SERPINA11: variants seen among roughly 807,000 people sequenced by gnomAD.
SERPINA11 encodes serpin family A member 11.
A neutral mutation model predicts 29.4 loss-of-function variants in SERPINA11; 28 were observed. The ratio of observed to expected loss-of-function variants is 0.95; its 90% CI spans 0.70 to 1.30. The LOEUF (loss-of-function observed/expected upper bound fraction) is 1.30. Ranked by LOEUF, SERPINA11 falls within the 50% of genes most tolerant of loss-of-function variation. The pLI is 0.00. For synonymous variants in SERPINA11, 253 were observed against 206.6 expected, an observed-to-expected ratio of 1.22 and a Z score of -1.92; for missense variants, 530 against 507.3, an observed-to-expected ratio of 1.04 and a Z score of -0.43.
chr14:94,448,041 T>G (rs1445282433), intron 2 of SERPINA11, 91 bp downstream of exon 2: 11 of 1,232,478 alleles, frequency 8.9e-6, no homozygotes, highest in Non-Finnish European at 1.3e-5. Context: ...TTTCCCCAAG[T>G]GGTTAGCAAA....
chr14:94,445,756 G>A (rs74325191), intron 3 of SERPINA11, among the ~76,000 whole-genome samples: 1 of 151,478 alleles, frequency 6.6e-6, no homozygotes, highest in Admixed American at 6.6e-5. Context: ...TTTTCATTTT[G>A]CATAGAGGCA....
chr14:94,448,750 G>T lies in SERPINA11; in HGVS notation c.25C>A (p.Leu9Met). 2 of 1,513,126 alleles carry T rather than the reference G, an allele frequency of 1.3e-6. No homozygotes were observed. Among genetic ancestry groups the T allele is most frequent in the Non-Finnish European group, 1.8e-6 (2 of 1,132,062 alleles). 93.7% of individuals were successfully genotyped at this position (1,513,126 alleles called of 1,614,324 possible). The change falls in exon 2 of 5, where the codon CTG becomes ATG. Residue 9 changes from leucine (L) to methionine (M), a missense_variant. Coordinates refer to ENST00000334708, the MANE Select transcript of SERPINA11 (RefSeq NM_001080451.2). ...ACAGAGGCCAGGATCCCTGTTCCCA[G>T]TAGCCAAAGCCAAGCTGGACCCATT... MGPAWLWL[L>M]GTGILASVHC...
At chr14:94,448,808 T>C in intron 1 of SERPINA11, 31 bp from the exon 2 acceptor site, 1 of 1,496,360 alleles carries the variant, frequency 6.7e-7, no homozygotes, top group East Asian at 2.3e-5. Flanking sequence ...ATGTCACTTT[T>C]CTCCATAAAT....
At chr14:94,452,411 G>A (rs776188013) in intron 1 of SERPINA11, among the ~76,000 whole-genome samples, 12 of 151,934 alleles carry the variant, frequency 7.9e-5, no homozygotes, top group Non-Finnish European at 1.2e-4. Flanking sequence ...ATTGTGCTTT[G>A]GGTTGTATTG....
rs143044592 is a variant in SERPINA11, at chr14:94,446,344, A to G, written c.904T>C (p.Leu302=). ...TGTGACACTTACCTGGGCAGGAGCAATTGGCCCCATTTTCTCAGGGTCTGT... is the reference window on the plus strand; with the variant it reads ...TGTGACACTTACCTGGGCAGGAGCAGTTGGCCCCATTTTCTCAGGGTCTGT... ...QPQTLRKWGQ[L]LLPSLLDLHL... is the part of the protein sequence containing the mutation. The change falls in exon 3 of 5, where the codon TTG becomes CTG. Residue 302 remains leucine (L), a synonymous_variant. Coordinates refer to ENST00000334708, the MANE Select transcript of SERPINA11 (RefSeq NM_001080451.2). The G allele has an allele frequency of 1.9e-5, 30 of 1,613,016 alleles. No individual in the cohort carries two copies. The African/African-American group carries it at 3.6e-4, about 19-fold the overall frequency.
intron 1 of SERPINA11, among the ~76,000 whole-genome samples, chr14:94,450,309 T>C (rs1232777993): frequency 1.3e-5 from 2 of 152,162 alleles, no homozygotes; most frequent in Non-Finnish European, 2.9e-5. Context: ...ATTGGAGATG[T>C]AATCAGTTAA....
At chr14:94,447,638 C>G (rs573019918) in intron 2 of SERPINA11, among the ~76,000 whole-genome samples, 1 of 152,358 alleles carries the variant, frequency 6.6e-6, no homozygotes, top group East Asian at 1.9e-4. Flanking sequence ...TTTCCCTCTG[C>G]ATTGCAACTC....
In SERPINA11 at chr14:94,446,443, T is replaced by G. The variant is rs759648291; in HGVS notation, c.805A>C (p.Arg269=). ...LACTVLQIEY[R]GNALALLVLP... Reference sequence around the variant, plus strand: ...ACCAGCAGCGCCAAGGCATTTCCTCTGTATTCTATCTGGAGGACGGTGCAA... The same window carrying G: ...ACCAGCAGCGCCAAGGCATTTCCTCGGTATTCTATCTGGAGGACGGTGCAA... Residue 269 remains arginine (R), a synonymous_variant, in exon 3 of 5, where the codon AGA becomes CGA. Coordinates refer to ENST00000334708, the MANE Select transcript of SERPINA11 (RefSeq NM_001080451.2). 3 of 1,614,178 alleles carry G rather than the reference T, an allele frequency of 1.9e-6. No individual in the cohort carries two copies. Among genetic ancestry groups the G allele is most frequent in the African/African-American group, 1.3e-5 (1 of 75,058 alleles).
chr14:94,442,992 C>G, intron 4 of SERPINA11, 86 bp downstream of exon 4: 2 of 1,477,558 alleles, frequency 1.4e-6, no homozygotes, highest in Non-Finnish European at 1.8e-6. Flanking sequence ...GAACAAGGAA[C>G]TTGACTTTTA....
In SERPINA11 at chr14:94,446,518, T is replaced by C; in HGVS notation, c.730A>G (p.Met244Val). The C allele has an allele frequency of 6.2e-7, 1 of 1,614,234 alleles. No individual in the cohort carries two copies. The highest frequency in any genetic ancestry group is 8.5e-7 in the Non-Finnish European group (1 of 1,180,032). Reference sequence around the variant, plus strand: ...CTGTGCATTTCCTTTTGGTGCATCATGGGGACCTGGAGAGAAGTCCTCTCA... The same window carrying C: ...CTGTGCATTTCCTTTTGGTGCATCACGGGGACCTGGAGAGAAGTCCTCTCA... ...VDERTSLQVP[M>V]MHQKEMHRFL... The change falls in exon 3 of 5, where the codon ATG (methionine) becomes GTG (valine). Residue 244 changes from methionine (M) to valine (V), a missense_variant. Transcript: ENST00000334708.
At chr14:94,444,122 C>A (rs1898393132) in intron 3 of SERPINA11, among the ~76,000 whole-genome samples, 2 of 152,132 alleles carry the variant, frequency 1.3e-5, no homozygotes, top group African/African-American at 2.4e-5. Flanking sequence ...GACAAGTTTC[C>A]CATAGGCAGC....
chr14:94,446,602 T>TG lies in SERPINA11; in HGVS notation c.645dup (p.Lys216GlnfsTer21), dbSNP rs752461871. On this transcript the variant is annotated frameshift_variant and splice_region_variant, in exon 3 of 5. Transcript: ENST00000334708. LOFTEE classifies it high-confidence loss of function. ...TAGCGACTGAAAGGGTGCTTCCACT[T>TG]GGCTTAGGACACAAAACCCATAAGG... 3 of 1,612,918 alleles carry TG rather than the reference T, an allele frequency of 1.9e-6. No homozygotes were observed. Among genetic ancestry groups the TG allele is most frequent in the Non-Finnish European group, 2.5e-6 (3 of 1,179,394 alleles).
chr14:94,443,835 G>A (rs1016898482), intron 3 of SERPINA11, among the ~76,000 whole-genome samples: 3 of 152,156 alleles, frequency 2.0e-5, no homozygotes, highest in African/African-American at 7.2e-5. Flanking sequence ...TGCGTTTGGA[G>A]CATCTTTACC....
intron 1 of SERPINA11, among the ~76,000 whole-genome samples, chr14:94,449,120 G>T (rs558607190): frequency 2.0e-5 from 3 of 152,352 alleles, no homozygotes; most frequent in African/African-American, 7.2e-5. Flanking sequence ...GGAGGCTGAG[G>T]TGGGAGGATC....
At chr14:94,444,168 G>T (rs375207669) in intron 3 of SERPINA11, among the ~76,000 whole-genome samples, 33 of 152,218 alleles carry the variant, frequency 2.2e-4, no homozygotes, top group African/African-American at 7.9e-4. Context: ...CCAGTTGGCT[G>T]GGGGGTGGAA....
At chr14:94,452,685 G>C (rs998546854) in intron 1 of SERPINA11, 44 bp downstream of exon 1, 1 of 150,326 alleles carries the variant, frequency 6.7e-6, no homozygotes, top group Non-Finnish European at 1.5e-5. Context: ...GAGTGAGGCA[G>C]TTTCTGCCCC....
intron 4 of SERPINA11, 21 bp downstream of exon 4, chr14:94,443,057 C>G: frequency 6.3e-7 from 1 of 1,597,300 alleles, no homozygotes; most frequent in Non-Finnish European, 8.5e-7. Flanking sequence ...TGCCCACAAA[C>G]ATCCATGTTC....
chr14:94,443,486 A>T (rs982809783), intron 3 of SERPINA11, among the ~76,000 whole-genome samples: 1 of 152,124 alleles, frequency 6.6e-6, no homozygotes, highest in Non-Finnish European at 1.5e-5. Flanking sequence ...CATCTTCATC[A>T]CATTTATAGA....
intron 4 of SERPINA11, 58 bp from the exon 5 acceptor site, chr14:94,442,867 A>C: frequency 7.0e-7 from 1 of 1,437,636 alleles, no homozygotes; most frequent in African/African-American, 1.4e-5. Flanking sequence ...AGGGGAAGAC[A>C]CTGTATTCCT....
Sources: gnomAD v4.1 joint callset for allele counts (sites outside exome capture counted in the v4.1 genomes callset) on GRCh38, gnomAD v4.1.1 for gene constraint, MANE v1.5 for transcripts, NCBI Gene and HGNC (gene_info 2026-07-23, HGNC 2026-07-21) for gene names.